The following MEI4 variants were observed in gnomAD, a reference collection of about 807,000 sequenced individuals.
The protein encoded by MEI4 is meiotic double-stranded break formation protein 4.
MEI4 carries 27 observed loss-of-function variants against 31.4 expected under a neutral mutation model. The observed-to-expected ratio is 0.86, with a 90% CI of 0.63 to 1.19. The LOEUF is 1.19. Ranked by LOEUF, MEI4 falls within the 50% of genes most tolerant of loss-of-function variation. The pLI is 0.00. For synonymous variants in MEI4, 122 were observed against 145.4 expected, an observed-to-expected ratio of 0.84 and a Z score of 1.16; for missense variants, 329 against 398.9, an observed-to-expected ratio of 0.82 and a Z score of 1.49.
intron 4 of MEI4, among the ~76,000 whole-genome samples, chr6:77,895,257 C>T (rs7751686): frequency 0.011 from 1,719 of 152,304 alleles, 27 homozygotes; most frequent in African/African-American, 0.039. Context: ...TGACTGCCCA[C>T]ATCAGGGAAA....
chr6:77,869,042 C>T (rs1364952335), intron 4 of MEI4, among the ~76,000 whole-genome samples: 1 of 152,152 alleles, frequency 6.6e-6, no homozygotes, highest in Non-Finnish European at 1.5e-5. Context: ...AGAAAAGTTA[C>T]TCACTCATTC....
In MEI4 at chr6:77,888,430, C is replaced by T. The variant is rs554775394; in HGVS notation, c.901-34659C>T. ...TTTGTTTTTCTTATTTTTGCATTTG[C>T]TCTACCCTGAGTTTAATATCTTCCT... is the stretch of plus-strand genomic sequence containing the variant. On this transcript the variant is annotated intron_variant, in intron 4 of 4. Coordinates refer to ENST00000684080, the MANE Select transcript of MEI4 (RefSeq NM_001322247.2). 5.3e-5 allele frequency among the ~76,000 whole-genome samples: 8 copies of T among 149,964 alleles called. No homozygotes were observed. In the South Asian group the frequency reaches 1.5e-3, roughly 28 times the overall value.
At chr6:77,803,992 T>G (rs1476509172) in intron 3 of MEI4, among the ~76,000 whole-genome samples, 1 of 152,158 alleles carries the variant, frequency 6.6e-6, no homozygotes, top group East Asian at 1.9e-4. Flanking sequence ...ACTGCTCTCT[T>G]CAAAGCTGTC....
At chr6:77,807,449 A>T (rs762621645) in intron 3 of MEI4, among the ~76,000 whole-genome samples, 23 of 152,280 alleles carry the variant, frequency 1.5e-4, no homozygotes, top group Middle Eastern at 3.4e-3. Context: ...AGGGATGAAC[A>T]ACTATGTAAT....
At chr6:77,778,953 G>GT (rs1265315881) in intron 3 of MEI4, among the ~76,000 whole-genome samples, 2 of 152,236 alleles carry the variant, frequency 1.3e-5, no homozygotes, top group Admixed American at 1.3e-4. Context: ...AATGATAATT[G>GT]TAAGATGACT....
intron 4 of MEI4, among the ~76,000 whole-genome samples, chr6:77,865,051 A>T (rs1487062762): frequency 6.6e-6 from 1 of 152,248 alleles, no homozygotes; most frequent in East Asian, 1.9e-4. Flanking sequence ...AAGACACAAC[A>T]TACCAGAATC....
intron 3 of MEI4, among the ~76,000 whole-genome samples, chr6:77,818,766 A>C (rs549070962): frequency 2.0e-5 from 3 of 152,186 alleles, no homozygotes; most frequent in South Asian, 2.1e-4. Flanking sequence ...TTGCTCTGTC[A>C]CCTAGGCTGA....
intron 2 of MEI4, among the ~76,000 whole-genome samples, chr6:77,705,104 T>C (rs915580650): frequency 1.3e-5 from 2 of 152,202 alleles, no homozygotes; most frequent in African/African-American, 4.8e-5. Context: ...TAGTGCAATA[T>C]GTAGATAAAC....
intron 2 of MEI4, among the ~76,000 whole-genome samples, chr6:77,743,233 T>C (rs917312852): frequency 6.6e-6 from 1 of 152,188 alleles, no homozygotes; most frequent in Non-Finnish European, 1.5e-5. Context: ...TATCATGATA[T>C]TGATTCTTCC....
At chr6:77,890,492 A>G (rs1581955562) in intron 4 of MEI4, among the ~76,000 whole-genome samples, 1 of 152,128 alleles carries the variant, frequency 6.6e-6, no homozygotes, top group Non-Finnish European at 1.5e-5. Flanking sequence ...GGAGTTACTA[A>G]CTTACTTTTG....
At chr6:77,781,637 T>C (rs552019282) in intron 3 of MEI4, among the ~76,000 whole-genome samples, 5 of 152,338 alleles carry the variant, frequency 3.3e-5, no homozygotes, top group African/African-American at 1.2e-4. Flanking sequence ...TCTATATGTT[T>C]TGCAATTATT....
At chr6:77,867,901 G>T (rs529776692) in intron 4 of MEI4, among the ~76,000 whole-genome samples, 1 of 152,228 alleles carries the variant, frequency 6.6e-6, no homozygotes, top group South Asian at 2.1e-4. Flanking sequence ...AAAATGATGA[G>T]TTCATGTCCT....
At position 77,922,608 on chromosome 6, in the gene MEI4, T is replaced by G. The variant is rs943756388; in HGVS notation, c.901-481T>G. 2.0e-5 allele frequency among the ~76,000 whole-genome samples: 3 copies of G among 151,836 alleles called. No individual in the cohort carries two copies. The East Asian group carries it at 5.8e-4, about 30-fold the overall frequency. ...TTTCTTCTCATGACTATGTATATGA[T>G]TCAATGCTACCCCTCCCTGAGTTGA... On this transcript the variant is annotated intron_variant, in intron 4 of 4. Coordinates refer to ENST00000684080, the MANE Select transcript of MEI4 (RefSeq NM_001322247.2).
At chr6:77,918,781 C>T (rs1766629009) in intron 4 of MEI4, among the ~76,000 whole-genome samples, 1 of 151,718 alleles carries the variant, frequency 6.6e-6, no homozygotes, top group Non-Finnish European at 1.5e-5. Flanking sequence ...GCCTAATTGC[C>T]CTGGCCAGAA....
intron 3 of MEI4, among the ~76,000 whole-genome samples, chr6:77,774,058 G>C (rs1419529031): frequency 1.3e-5 from 2 of 152,112 alleles, no homozygotes; most frequent in Non-Finnish European, 2.9e-5. Flanking sequence ...CTTGTACACT[G>C]TTGGTGTAAA....
At chr6:77,891,645 C>T (rs4706660) in intron 4 of MEI4, among the ~76,000 whole-genome samples, 41,992 of 151,706 alleles carry the variant, frequency 0.28, 6,024 homozygotes, top group East Asian at 0.36. Flanking sequence ...GATCATTTAA[C>T]GAAGAATTAT....
chr6:77,901,959 G>T (rs1185750538), intron 4 of MEI4, among the ~76,000 whole-genome samples: 3 of 152,048 alleles, frequency 2.0e-5, no homozygotes, highest in East Asian at 1.9e-4. Flanking sequence ...TCACTGAAGA[G>T]ATTGTCCTTT....
chr6:77,738,592 A>T (rs1438151047), intron 2 of MEI4, among the ~76,000 whole-genome samples: 3 of 151,148 alleles, frequency 2.0e-5, no homozygotes, highest in African/African-American at 7.3e-5. Context: ...ATTTATAATC[A>T]TTTGGGTGTA....
At chr6:77,798,435 A>T (rs1171238841) in intron 3 of MEI4, among the ~76,000 whole-genome samples, 1 of 151,838 alleles carries the variant, frequency 6.6e-6, no homozygotes. Context: ...TGGTAAAAAA[A>T]TAGGTTCCAA....
Sources: allele counts gnomAD v4.1 joint callset (sites outside exome capture counted in the v4.1 genomes callset), GRCh38; gene constraint gnomAD v4.1.1; transcripts MANE v1.5; gene names NCBI Gene and HGNC (gene_info 2026-07-23, HGNC 2026-07-21).